The following LRPPRC variants were observed in gnomAD, a reference collection of about 807,000 sequenced individuals.
LRPPRC encodes the protein leucine rich pentatricopeptide repeat containing.
In LRPPRC, 120 loss-of-function variants were observed where a neutral mutation model predicts 180.3. The observed-to-expected ratio is 0.67, with a 90% confidence interval of 0.57 to 0.77. The LOEUF is 0.77. Ranked by LOEUF, LRPPRC falls within the 30% of genes least tolerant of loss-of-function variation. LRPPRC has a pLI of 0.00. For synonymous variants in LRPPRC, 723 were observed against 600.0 expected, an observed-to-expected ratio of 1.21 and a Z score of -3.00; for missense variants, 2,012 against 1,657.2, an observed-to-expected ratio of 1.21 and a Z score of -3.72.
intron 4 of LRPPRC, 34 bp downstream of exon 4, chr2:43,977,121 A>G (rs1362212268): frequency 6.2e-7 from 1 of 1,608,486 alleles, no homozygotes; most frequent in Non-Finnish European, 8.5e-7. Context: ...AAAATGGTGG[A>G]TGTGAAAATA....
chr2:43,901,310 A>G lies in LRPPRC; in HGVS notation c.3569+10T>C. ...ACCAATGAAGGAAAAGAAGGCTTGC[A>G]AATACTCACTTCTTTATTTGAGCCA... is the stretch of plus-strand genomic sequence containing the variant. On this transcript the variant is annotated intron_variant, in intron 32 of 37. Coordinates refer to ENST00000260665, the MANE Select transcript of LRPPRC (RefSeq NM_133259.4). 1 of 1,609,650 alleles carries G rather than the reference A, an allele frequency of 6.2e-7. No homozygotes were observed. The highest frequency in any genetic ancestry group is 8.5e-7 in the Non-Finnish European group (1 of 1,176,762).
At chr2:43,950,531 C>T (rs755250863) in intron 15 of LRPPRC, 42 bp downstream of exon 15, 5 of 1,556,010 alleles carry the variant, frequency 3.2e-6, no homozygotes, top group East Asian at 2.2e-5. Context: ...TGGCTTGTAA[C>T]GTTAAAAGCA....
intron 25 of LRPPRC, among the ~76,000 whole-genome samples, chr2:43,932,397 G>T (rs1672124300): frequency 6.6e-6 from 1 of 151,926 alleles, no homozygotes; most frequent in South Asian, 2.1e-4. Context: ...CTTTTTTTGG[G>T]AATGATAAAA....
intron 31 of LRPPRC, chr2:43,904,466 G>A (rs1025158066): frequency 6.6e-6 from 1 of 152,048 alleles, no homozygotes; most frequent in African/African-American, 2.4e-5. Context: ...GCCGAGGTGG[G>A]AGAATTATTT....
intron 36 of LRPPRC, among the ~76,000 whole-genome samples, chr2:43,893,493 C>T (rs764720144): frequency 6.6e-6 from 1 of 152,208 alleles, no homozygotes; most frequent in Admixed American, 6.5e-5. Flanking sequence ...AGACCTTCTA[C>T]CAGCAAGATT....
Position 43,894,624 on chromosome 2 carries a change from T to A in LRPPRC, c.3906A>T (p.Ser1302=), listed in dbSNP as rs1004426137. 1.4e-5 allele frequency: 22 copies of A among 1,529,998 alleles called. No individual in the cohort carries two copies. Among genetic ancestry groups the A allele is most frequent in the Non-Finnish European group, 2.0e-5 (22 of 1,103,634 alleles). 94.8% of individuals were successfully genotyped at this position (1,529,998 alleles called of 1,614,324 possible). Residue 1302 remains serine (S), a synonymous_variant, in exon 36 of 38, where the codon TCA becomes TCT. Transcript: ENST00000260665. ...LRNSRKQGKA[S]TVKSVLELIP... ...TCAATTCTAACACAGATTTCACAGTTGATGCCTAGGAAATTACATAAAGGT... is the reference window on the plus strand; with the variant it reads ...TCAATTCTAACACAGATTTCACAGTAGATGCCTAGGAAATTACATAAAGGT...
intron 1 of LRPPRC, among the ~76,000 whole-genome samples, chr2:43,994,138 T>C (rs1250865282): frequency 6.6e-6 from 1 of 152,098 alleles, no homozygotes; most frequent in Admixed American, 6.6e-5. Context: ...ATAAGAGTAA[T>C]GGGCACAACT....
chr2:43,980,010 C>A, intron 2 of LRPPRC, 62 bp from the exon 3 acceptor site: 1 of 1,507,528 alleles, frequency 6.6e-7, no homozygotes, highest in Non-Finnish European at 9.2e-7. Flanking sequence ...AGATAAATAT[C>A]AAAATTTAAA....
intron 1 of LRPPRC, among the ~76,000 whole-genome samples, chr2:43,986,543 G>C (rs1674534489): frequency 6.6e-6 from 1 of 152,204 alleles, no homozygotes; most frequent in Admixed American, 6.5e-5. Context: ...ACAGGTAGAA[G>C]ACAGAAGAGG....
At chr2:43,959,366 AT>A (rs1673247756) in intron 13 of LRPPRC, 1 of 586,906 alleles carries the variant, frequency 1.7e-6, no homozygotes, top group African/African-American at 1.9e-5. Context: ...TACAACAAAT[AT>A]TTTAAGCGAC....
At position 43,887,422 on chromosome 2, in the gene LRPPRC, CAG is replaced by C. The variant is rs1002261142; in HGVS notation, c.*1176_*1177del. 7 of 152,238 alleles carry C rather than the reference CAG, an allele frequency of 4.6e-5. No individual in the cohort carries two copies. The highest frequency in any genetic ancestry group is 1.7e-4 in the African/African-American group (7 of 41,438). 9.4% of individuals were successfully genotyped at this position (152,238 alleles called of 1,614,324 possible). The stretch of plus-strand genomic sequence containing the variant: ...ATGCAGGAGAGAGAGTTCCACAAGA[CAG>C]AAGGTCAACAGCACAAGTTGCAAGA... On this transcript the variant is annotated 3_prime_UTR_variant, in exon 38 of 38. Transcript: ENST00000260665.
At chr2:43,953,117 A>G (rs1672969550) in intron 14 of LRPPRC, among the ~76,000 whole-genome samples, 1 of 152,106 alleles carries the variant, frequency 6.6e-6, no homozygotes, top group African/African-American at 2.4e-5. Flanking sequence ...CTTCCCCTCT[A>G]CAAACTCAAT....
At position 43,901,662 on chromosome 2, in the gene LRPPRC, A is replaced by G. The variant is rs960231785; in HGVS notation, c.3365-138T>C. 6.0e-6 allele frequency: 4 copies of G among 671,424 alleles called. No homozygotes were observed. In the African/African-American group the frequency reaches 7.2e-5, roughly 12 times the overall value. The allele number at this position is 671,424 out of a possible 1,614,324, so 41.6% of individuals were successfully genotyped here. ...TGAATAATTAATTTTAGATTACAGA[A>G]AATTATTAATACTTCATGAGATACC... On this transcript the variant is annotated intron_variant, in intron 31 of 37. Transcript: ENST00000260665.
intron 14 of LRPPRC, among the ~76,000 whole-genome samples, 185 bp from the exon 15 acceptor site, chr2:43,950,785 A>G (rs1672869457): frequency 6.6e-6 from 1 of 152,238 alleles, no homozygotes; most frequent in South Asian, 2.1e-4. Flanking sequence ...AATATTCAAA[A>G]TAGGCCAGGC....
chr2:43,910,129 G>C (rs965770292), intron 30 of LRPPRC, among the ~76,000 whole-genome samples: 1 of 151,970 alleles, frequency 6.6e-6, no homozygotes, highest in East Asian at 1.9e-4. Context: ...CCCACTAATT[G>C]GCTGCAATTG....
intron 20 of LRPPRC, among the ~76,000 whole-genome samples, chr2:43,947,023 T>C (rs1672703765): frequency 6.6e-6 from 1 of 152,050 alleles, no homozygotes; most frequent in Non-Finnish European, 1.5e-5. Flanking sequence ...GATAAACCTA[T>C]CACAGCTGTT....
rs375658767 is a variant in LRPPRC at position 43,913,203 on chromosome 2, C to A, written c.3149-645G>T. 6.6e-5 allele frequency among the ~76,000 whole-genome samples: 10 copies of A among 152,258 alleles called. No individual in the cohort carries two copies. The East Asian group carries it at 9.6e-4, about 15-fold the overall frequency. On this transcript the variant is annotated intron_variant, in intron 29 of 37. Transcript: ENST00000260665. ...TTAACAGTTTTATTTCACTTGTTCA[C>A]AATAACTGTCAGTGAATGAAAAGAT...
intron 11 of LRPPRC, among the ~76,000 whole-genome samples, chr2:43,968,330 G>A (rs899615418): frequency 3.3e-5 from 5 of 152,086 alleles, no homozygotes; most frequent in African/African-American, 7.2e-5. Context: ...AATATGTGTC[G>A]AAGCACTTAA....
intron 23 of LRPPRC, among the ~76,000 whole-genome samples, chr2:43,942,544 G>A (rs969694012): frequency 6.6e-6 from 1 of 152,078 alleles, no homozygotes; most frequent in Non-Finnish European, 1.5e-5. Context: ...TATTTCATGT[G>A]TGCATGCATG....
Sources: allele counts gnomAD v4.1 joint callset (sites outside exome capture counted in the v4.1 genomes callset), GRCh38; gene constraint gnomAD v4.1.1; transcripts MANE v1.5; gene names NCBI Gene and HGNC (gene_info 2026-07-23, HGNC 2026-07-21).